Variants in WDR17 observed in about 807,000 individuals in gnomAD.
The protein encoded by WDR17 is WD repeat domain 17.
Under a neutral mutation model 161.7 loss-of-function variants are expected in WDR17, and 143 were observed. That is an observed-to-expected ratio of 0.88 (90% confidence interval 0.77 to 1.02). The LOEUF is 1.02. Among genes scored for constraint, WDR17 ranks in the 50% least tolerant of loss-of-function variants. The pLI, the probability that WDR17 is intolerant of heterozygous loss-of-function variation, is 0.00. For missense variants in WDR17, 1,469 were observed against 1,520.9 expected (o/e 0.97, Z 0.57); for synonymous variants, 517 against 515.6 (o/e 1.00, Z -0.04).
At chr4:176,145,711 G>T (rs1251941960) in intron 11 of WDR17, among the ~76,000 whole-genome samples, 2 of 152,020 alleles carry the variant, frequency 1.3e-5, no homozygotes, top group South Asian at 2.1e-4. Context: ...TCTTGAAAAA[G>T]AACTTATAGA....
At chr4:176,159,821 T>A (rs896486800) in intron 18 of WDR17, among the ~76,000 whole-genome samples, 173 bp from the exon 19 acceptor site, 3 of 152,236 alleles carry the variant, frequency 2.0e-5, no homozygotes, top group African/African-American at 7.2e-5. Context: ...TTCATACAAC[T>A]TTTATCTGCC....
At chr4:176,083,413 G>C (rs1397530746) in intron 1 of WDR17, among the ~76,000 whole-genome samples, 1 of 152,028 alleles carries the variant, frequency 6.6e-6, no homozygotes. Flanking sequence ...GATACCACTA[G>C]CAGAATAGAT....
intron 6 of WDR17, 44 bp downstream of exon 6, chr4:176,128,904 G>A (rs747649651): frequency 2.1e-6 from 3 of 1,457,426 alleles, no homozygotes; most frequent in East Asian, 2.6e-5. Context: ...AAAAAATATT[G>A]TGTTTTCTAT....
At chr4:176,132,164 A>ATT (rs1191009990) in intron 7 of WDR17, among the ~76,000 whole-genome samples, 5 of 151,462 alleles carry the variant, frequency 3.3e-5, no homozygotes, top group African/African-American at 1.2e-4. Context: ...TACTTAAGTG[A>ATT]TTCTATGAAT....
intron 10 of WDR17, 94 bp from the exon 11 acceptor site, chr4:176,141,889 T>C: frequency 1.0e-6 from 1 of 1,003,038 alleles, no homozygotes; most frequent in African/African-American, 1.6e-5. Context: ...TATCCTGGAA[T>C]ATTTCTATTT....
intron 1 of WDR17, among the ~76,000 whole-genome samples, chr4:176,069,105 T>C (rs1578965703): frequency 6.6e-6 from 1 of 152,266 alleles, no homozygotes; most frequent in Non-Finnish European, 1.5e-5. Context: ...TCATCTGATT[T>C]CAGTGACTAG....
At chr4:176,179,357 ATAT>A in intron 28 of WDR17, 100 bp from the exon 29 acceptor site, 1 of 1,240,572 alleles carries the variant, frequency 8.1e-7, no homozygotes, top group Non-Finnish European at 1.0e-6. Flanking sequence ...CTTTGCCTAA[ATAT>A]TATGTTTTTT....
At chr4:176,115,763 A>AC (rs1740512641) in intron 2 of WDR17, 33 bp from the exon 3 acceptor site, 7 of 1,489,302 alleles carry the variant, frequency 4.7e-6, no homozygotes, top group Non-Finnish European at 6.3e-6. Context: ...AAAAAGGAGC[A>AC]CTAAAATATT....
intron 1 of WDR17, among the ~76,000 whole-genome samples, chr4:176,106,404 C>T (rs1287559587): frequency 6.6e-6 from 1 of 152,042 alleles, no homozygotes; most frequent in Non-Finnish European, 1.5e-5. Context: ...ACATATGGTG[C>T]TGGGAAAACG....
At chr4:176,105,830 A>C (rs1738625001) in intron 1 of WDR17, among the ~76,000 whole-genome samples, 1 of 152,046 alleles carries the variant, frequency 6.6e-6, no homozygotes, top group African/African-American at 2.4e-5. Context: ...AACTAAACCC[A>C]AAACTAGAAT....
At chr4:176,147,963 T>A (rs1289965133) in intron 12 of WDR17, among the ~76,000 whole-genome samples, 170 bp from the exon 13 acceptor site, 5 of 152,106 alleles carry the variant, frequency 3.3e-5, no homozygotes, top group Non-Finnish European at 7.4e-5. Flanking sequence ...ATCACATAAA[T>A]ATATACAATT....
At position 176,155,545 on chromosome 4, in the gene WDR17, G is replaced by GTTTTTTTTTTTTTTTTTT. The variant is rs869207103; in HGVS notation, c.2461-518_2461-517insTTTTTTTTTTTTTTTTTT. Among the ~76,000 whole-genome samples, 40 of 105,234 alleles carry GTTTTTTTTTTTTTTTTTT rather than the reference G, an allele frequency of 3.8e-4. 1 individual carries two copies. Among genetic ancestry groups the GTTTTTTTTTTTTTTTTTT allele is most frequent in the African/African-American group, 9.4e-4 (24 of 25,656 alleles). The allele number at this position is 105,234 out of a possible 152,430, so 69.0% of individuals were successfully genotyped here. A position where few individuals can be genotyped will look rare whatever the true frequency, so the allele number is the denominator to read the frequency against. Reference sequence around the variant, plus strand: ...TTTGTTTTTTTGTTTATTTGTTTGTGTTTTTTTTTTTTTTTTGGAGACGAA... The same window carrying GTTTTTTTTTTTTTTTTTT: ...TTTGTTTTTTTGTTTATTTGTTTGTGTTTTTTTTTTTTTTTTTTTTTTTTTTTTTTTTTTGGAGACGAA... On this transcript the variant is annotated intron_variant, in intron 17 of 28. Transcript: ENST00000508596.
intron 5 of WDR17, among the ~76,000 whole-genome samples, chr4:176,127,480 G>C (rs1249059698): frequency 1.3e-5 from 2 of 152,094 alleles, no homozygotes; most frequent in East Asian, 3.9e-4. Flanking sequence ...ATTTTTAGTA[G>C]AGACGGTGTT....
In WDR17 at chr4:176,168,313, C is replaced by T. The variant is rs189580027; in HGVS notation, c.2991-359C>T. 6.4e-4 allele frequency among the ~76,000 whole-genome samples: 97 copies of T among 152,146 alleles called. 1 individual carries two copies. Among genetic ancestry groups the T allele is most frequent in the Admixed American group, 1.4e-3 (21 of 15,282 alleles). On this transcript the variant is annotated intron_variant, in intron 22 of 28. Transcript: ENST00000508596. ...TTTTGACAAGCATAACAAAAGTTGA[C>T]GAGAGTTAACTTTCACAATGTTTGC...
chr4:176,131,737 T>G lies in WDR17; in HGVS notation c.1097T>G (p.Leu366Trp), dbSNP rs1280031514. 6.2e-7 allele frequency: 1 copy of G among 1,609,140 alleles called. No homozygotes were observed. Among genetic ancestry groups the G allele is most frequent in the African/African-American group, 1.3e-5 (1 of 74,654 alleles). Reference sequence around the variant, plus strand: ...AAGAAGTGGGATTTTCTTAGAGACTTGGTATGTATGTAGTCATTCCTTTAT... The same window carrying G: ...AAGAAGTGGGATTTTCTTAGAGACTGGGTATGTATGTAGTCATTCCTTTAT... Reference protein sequence around the residue: ...GAKKWDFLRDLGHVETIFDCK... With the variant: ...GAKKWDFLRDWGHVETIFDCK... The change falls in exon 7 of 29, where the codon TTG (leucine) becomes TGG (tryptophan). Residue 366 changes from leucine to tryptophan, a missense_variant and splice_region_variant. Leu to Trp is a moderately conservative substitution (Grantham distance 61). Transcript: ENST00000508596.
intron 17 of WDR17, among the ~76,000 whole-genome samples, 174 bp downstream of exon 17, chr4:176,152,141 C>T (rs1013257745): frequency 6.6e-6 from 1 of 151,620 alleles, no homozygotes; most frequent in East Asian, 1.9e-4. Flanking sequence ...AAAACCCCAC[C>T]TCTACAAAAA....
At position 176,074,400 on chromosome 4, in the gene WDR17, A is replaced by G. The variant is rs1027024639; in HGVS notation, c.-7+8321A>G. Among the ~76,000 whole-genome samples the G allele has an allele frequency of 2.0e-5, 3 of 151,614 alleles. No homozygotes were observed. In the South Asian group the frequency reaches 6.2e-4, roughly 31 times the overall value. The stretch of plus-strand genomic sequence containing the variant: ...ATATAAAACTCAAGATAATTGTGAT[A>G]TATACTACACATATACATATATATT... On this transcript the variant is annotated intron_variant, in intron 1 of 28. Coordinates refer to ENST00000508596, the MANE Select transcript of WDR17 (RefSeq NM_181265.4).
chr4:176,140,028 A>T, intron 10 of WDR17, 54 bp downstream of exon 10: 1 of 1,413,804 alleles, frequency 7.1e-7, no homozygotes, highest in South Asian at 1.2e-5. Flanking sequence ...TAAAGCACTC[A>T]TTTGATCATT....
chr4:176,160,172 A>G (rs893738419), intron 19 of WDR17, 46 bp downstream of exon 19: 17 of 1,605,994 alleles, frequency 1.1e-5, no homozygotes, highest in Admixed American at 1.7e-5. Context: ...ATGCTTGAGC[A>G]TGTAGAAGGG....
Sources: gnomAD v4.1 joint callset for allele counts (sites outside exome capture counted in the v4.1 genomes callset) on GRCh38, gnomAD v4.1.1 for gene constraint, MANE v1.5 for transcripts, NCBI Gene and HGNC (gene_info 2026-07-23, HGNC 2026-07-21) for gene names.